Variants in PTPRT observed in about 807,000 individuals in gnomAD.
PTPRT encodes receptor-type tyrosine-protein phosphatase T.
A neutral mutation model predicts 176.8 loss-of-function variants in PTPRT; 56 were observed. The ratio of observed to expected loss-of-function variants is 0.32; its 90% CI spans 0.26 to 0.40. The LOEUF (loss-of-function observed/expected upper bound fraction) is 0.40, where lower values mean the gene tolerates loss of function less well. Ranked by LOEUF, PTPRT falls within the 10% of genes least tolerant of loss-of-function variation. The pLI is 1.00. For missense variants in PTPRT, 1,540 were observed against 1,908.2 expected, an observed-to-expected ratio of 0.81 and a Z score of 3.60; for synonymous variants, 783 against 739.0, an observed-to-expected ratio of 1.06 and a Z score of -0.96.
chr20:43,058,687 C>T (rs1035547613), intron 1 of PTPRT, among the ~76,000 whole-genome samples: 9 of 152,230 alleles, frequency 5.9e-5, no homozygotes, highest in African/African-American at 2.2e-4. Flanking sequence ...GGAAATTGTG[C>T]TCCACATCTC....
chr20:42,931,885 G>A (rs206640), intron 1 of PTPRT, among the ~76,000 whole-genome samples: 11,748 of 152,216 alleles, frequency 0.077, 1,329 homozygotes, highest in African/African-American at 0.25. Flanking sequence ...ATAGAGTAAA[G>A]GTCATGTCCA....
intron 12 of PTPRT, among the ~76,000 whole-genome samples, chr20:42,295,463 T>C (rs956345946): frequency 6.6e-6 from 1 of 152,158 alleles, no homozygotes; most frequent in African/African-American, 2.4e-5. Context: ...CTACAGAAGA[T>C]AAGTTCATCC....
chr20:42,830,349 C>A (rs1363497466), intron 2 of PTPRT, among the ~76,000 whole-genome samples: 1 of 152,204 alleles, frequency 6.6e-6, no homozygotes, highest in African/African-American at 2.4e-5. Flanking sequence ...ACAAAAGCCA[C>A]ATGATTATCT....
chr20:43,002,321 A>C lies in PTPRT; in HGVS notation c.89-116389T>G, dbSNP rs1422141201. ...AAACGAACTAATACAAGGGCAGTGA[A>C]AGAAAATAACAGCAGTGACTAATCA... On this transcript the variant is annotated intron_variant, in intron 1 of 30. Transcript: ENST00000373187. Among the ~76,000 whole-genome samples the C allele has an allele frequency of 3.3e-5, 5 of 151,706 alleles. No homozygotes were observed. The East Asian group carries it at 9.6e-4, about 29-fold the overall frequency.
chr20:43,150,697 T>A (rs2146419492), intron 1 of PTPRT, among the ~76,000 whole-genome samples: 1 of 152,114 alleles, frequency 6.6e-6, no homozygotes, highest in African/African-American at 2.4e-5. Flanking sequence ...CCTCAAGCAA[T>A]CTGCCCTCCT....
chr20:42,873,429 C>T (rs999595950), intron 2 of PTPRT, among the ~76,000 whole-genome samples: 1 of 152,138 alleles, frequency 6.6e-6, no homozygotes, highest in Non-Finnish European at 1.5e-5. Flanking sequence ...TTACTATTCT[C>T]AAAGAGAGAT....
chr20:42,429,376 G>A (rs1176700406), intron 9 of PTPRT, among the ~76,000 whole-genome samples: 3 of 152,280 alleles, frequency 2.0e-5, no homozygotes, highest in East Asian at 3.9e-4. Context: ...CTAAGTAAGC[G>A]AGAGTGGGAG....
At chr20:42,221,728 C>T (rs993439551) in intron 15 of PTPRT, among the ~76,000 whole-genome samples, 3 of 151,874 alleles carry the variant, frequency 2.0e-5, no homozygotes, top group South Asian at 2.1e-4. Context: ...TCATGTTGGT[C>T]AGGCTTTCTC....
At chr20:42,433,911 T>C (rs2059237947) in intron 9 of PTPRT, among the ~76,000 whole-genome samples, 1 of 152,190 alleles carries the variant, frequency 6.6e-6, no homozygotes, top group Non-Finnish European at 1.5e-5. Context: ...ACTCTTATCA[T>C]ACCCCCAAAA....
chr20:43,074,891 A>G (rs2011235392), intron 1 of PTPRT, among the ~76,000 whole-genome samples: 1 of 152,090 alleles, frequency 6.6e-6, no homozygotes, highest in South Asian at 2.1e-4. Context: ...ATATATCCGC[A>G]CTCTTGAGAT....
chr20:42,927,082 G>T (rs373648262), intron 1 of PTPRT, among the ~76,000 whole-genome samples: 4 of 152,166 alleles, frequency 2.6e-5, no homozygotes, highest in Non-Finnish European at 4.4e-5. Context: ...TGTGACTTTC[G>T]ATGTCCACCA....
intron 6 of PTPRT, among the ~76,000 whole-genome samples, chr20:42,731,212 A>G (rs1361962734): frequency 6.6e-6 from 1 of 152,092 alleles, no homozygotes; most frequent in Non-Finnish European, 1.5e-5. Context: ...CAAGATTTCC[A>G]CCCTGGTTCT....
At chr20:42,394,374 C>T (rs2425485) in intron 9 of PTPRT, among the ~76,000 whole-genome samples, 85,791 of 151,942 alleles carry the variant, frequency 0.56, 25,472 homozygotes, top group African/African-American at 0.75. Flanking sequence ...GCCAATGAAA[C>T]GTGAGCAGAA....
At chr20:42,389,252 G>A (rs907562716) in intron 9 of PTPRT, among the ~76,000 whole-genome samples, 21 of 151,788 alleles carry the variant, frequency 1.4e-4, no homozygotes, top group Non-Finnish European at 1.5e-4. Flanking sequence ...TTGTGCACAT[G>A]TATCCTAGAA....
intron 1 of PTPRT, among the ~76,000 whole-genome samples, chr20:42,951,884 G>C (rs1353779609): frequency 1.3e-5 from 2 of 152,116 alleles, no homozygotes; most frequent in African/African-American, 4.8e-5. Context: ...CTATCTCCCA[G>C]AGTTGCTATG....
intron 6 of PTPRT, among the ~76,000 whole-genome samples, chr20:42,716,912 C>G (rs928623558): frequency 2.0e-5 from 3 of 152,002 alleles, no homozygotes; most frequent in Admixed American, 2.0e-4. Context: ...AGGAAACCAT[C>G]ATTCTCAGCA....
chr20:42,358,175 T>C (rs541609584), intron 9 of PTPRT, among the ~76,000 whole-genome samples: 11 of 151,830 alleles, frequency 7.2e-5, no homozygotes, highest in African/African-American at 1.4e-4. Context: ...ATGCAAGATG[T>C]TAACATTAGG....
At chr20:42,843,420 A>C (rs965818658) in intron 2 of PTPRT, among the ~76,000 whole-genome samples, 1 of 152,206 alleles carries the variant, frequency 6.6e-6, no homozygotes, top group African/African-American at 2.4e-5. Flanking sequence ...ACTAGGCAGG[A>C]ACCTGTCAGA....
chr20:42,346,663 G>T lies in PTPRT; in HGVS notation c.1865+3965C>A, dbSNP rs539078900. Among the ~76,000 whole-genome samples, 7 of 152,280 alleles carry T rather than the reference G, an allele frequency of 4.6e-5. No homozygotes were observed. The South Asian group carries it at 1.5e-3, about 32-fold the overall frequency. On this transcript the variant is annotated intron_variant, in intron 11 of 30. Coordinates refer to ENST00000373187, the MANE Select transcript of PTPRT (RefSeq NM_007050.6). ...CACATCTCGCCCCCCTGCACACTCAGTTCTACCAGATAGAGTCAGATCCAC... is the reference window on the plus strand; with the variant it reads ...CACATCTCGCCCCCCTGCACACTCATTTCTACCAGATAGAGTCAGATCCAC...
Sources: gnomAD v4.1 joint callset for allele counts (sites outside exome capture counted in the v4.1 genomes callset) on GRCh38, gnomAD v4.1.1 for gene constraint, MANE v1.5 for transcripts, NCBI Gene and HGNC (gene_info 2026-07-23, HGNC 2026-07-21) for gene names.